STARD13: variants seen among roughly 807,000 people sequenced by gnomAD.
The protein encoded by STARD13 is stAR-related lipid transfer protein 13.
In STARD13, 62 loss-of-function variants were observed where a neutral mutation model predicts 106.4. That is an observed-to-expected ratio of 0.58 (90% confidence interval 0.48 to 0.72). The LOEUF (loss-of-function observed/expected upper bound fraction) is 0.72. STARD13 is among the 30% of genes least tolerant of loss of function. The pLI is 0.00. For synonymous variants in STARD13, 565 were observed against 553.0 expected (o/e 1.02, Z -0.31); for missense variants, 1,387 against 1,424.0 (o/e 0.97, Z 0.42).
the STARD13 span, among the ~76,000 whole-genome samples, chr13:33,499,573 C>CTTA: frequency 1.5e-5 from 1 of 67,806 alleles, no homozygotes; most frequent in Non-Finnish European, 3.1e-5. Flanking sequence ...TCTTCTTCTT[C>CTTA]TTCTTCTTCT....
the STARD13 span, among the ~76,000 whole-genome samples, chr13:33,440,312 T>C: frequency 2.0e-5 from 3 of 151,962 alleles, no homozygotes; most frequent in South Asian, 6.2e-4. Flanking sequence ...ATGTGTCTAT[T>C]TAGTAACTGA....
chr13:33,294,070 T>C (rs1303114488), intron 1 of STARD13, among the ~76,000 whole-genome samples: 1 of 152,184 alleles, frequency 6.6e-6, no homozygotes, highest in African/African-American at 2.4e-5. Context: ...AGGTCCCTTG[T>C]GAAAATTAGG....
chr13:33,241,236 T>A (rs1263834096), intron 1 of STARD13, among the ~76,000 whole-genome samples: 3 of 152,152 alleles, frequency 2.0e-5, no homozygotes, highest in Non-Finnish European at 4.4e-5. Context: ...AGAAAGTAGA[T>A]CTAAGTTAAT....
chr13:33,167,654 T>C (rs764663701), intron 1 of STARD13, 32 bp from the exon 2 acceptor site: 1 of 1,600,636 alleles, frequency 6.2e-7, no homozygotes, highest in South Asian at 1.1e-5. Flanking sequence ...AAATTGTGAG[T>C]CCCACAGCCG....
the STARD13 span, among the ~76,000 whole-genome samples, chr13:33,544,169 T>C: frequency 6.6e-5 from 10 of 152,232 alleles, no homozygotes; most frequent in Admixed American, 5.9e-4. Context: ...ATCATACTAA[T>C]TTTACCCTTT....
chr13:33,321,323 T>C (rs1207496029), intron 1 of STARD13, among the ~76,000 whole-genome samples: 2 of 152,076 alleles, frequency 1.3e-5, no homozygotes, highest in African/African-American at 4.8e-5. Flanking sequence ...CTGACCAACA[T>C]GGTGAAACCC....
chr13:33,169,716 A>G (rs980129411), intron 1 of STARD13, among the ~76,000 whole-genome samples: 1 of 152,218 alleles, frequency 6.6e-6, no homozygotes, highest in African/African-American at 2.4e-5. Context: ...ATGAAGAACA[A>G]ATGGGGAAGA....
chr13:33,358,079 C>G, the STARD13 span, among the ~76,000 whole-genome samples: 7 of 152,040 alleles, frequency 4.6e-5, no homozygotes, highest in South Asian at 2.1e-4. Flanking sequence ...TCGGAGCAGC[C>G]AGCCAGCCCT....
chr13:33,124,351 A>G (rs1876824971), intron 7 of STARD13, among the ~76,000 whole-genome samples: 2 of 152,214 alleles, frequency 1.3e-5, no homozygotes, highest in South Asian at 4.1e-4. Flanking sequence ...TCGATGTCCT[A>G]CGGATTCTCC....
the STARD13 span, among the ~76,000 whole-genome samples, chr13:33,539,069 T>C: frequency 6.6e-6 from 1 of 152,176 alleles, no homozygotes; most frequent in African/African-American, 2.4e-5. Context: ...GCGCCCGGCC[T>C]TGCATTTATT....
intron 1 of STARD13, among the ~76,000 whole-genome samples, chr13:33,191,610 A>G (rs1344272594): frequency 6.6e-6 from 1 of 152,206 alleles, no homozygotes; most frequent in Non-Finnish European, 1.5e-5. Context: ...CATTGTAGGA[A>G]AGTTAAGATT....
At chr13:33,345,122 C>T (rs905974136), downstream of STARD13, among the ~76,000 whole-genome samples, 1 of 152,184 alleles carries the variant, frequency 6.6e-6, no homozygotes, top group African/African-American at 2.4e-5. Context: ...GTAGGGTTTA[C>T]AACAGCATCT....
the STARD13 span, among the ~76,000 whole-genome samples, chr13:33,647,794 C>T: frequency 6.2e-3 from 941 of 152,216 alleles, 10 homozygotes; most frequent in African/African-American, 0.021. Flanking sequence ...CTGACACATG[C>T]GGAAAATAAG....
At chr13:33,318,039 T>C (rs769510163) in intron 1 of STARD13, among the ~76,000 whole-genome samples, 3 of 152,312 alleles carry the variant, frequency 2.0e-5, no homozygotes, top group Admixed American at 6.5e-5. Flanking sequence ...TTCAACCACA[T>C]TGGCATCAAT....
the STARD13 span, among the ~76,000 whole-genome samples, chr13:33,546,369 A>G: frequency 6.6e-6 from 1 of 152,210 alleles, no homozygotes; most frequent in South Asian, 2.1e-4. Flanking sequence ...GCTATAATCA[A>G]TAGACTTATT....
the STARD13 span, among the ~76,000 whole-genome samples, chr13:33,483,556 G>A: frequency 2.0e-5 from 3 of 152,160 alleles, no homozygotes; most frequent in African/African-American, 7.2e-5. Context: ...TCTAAGGAAA[G>A]CAACCCTCAG....
chr13:33,151,575 A>G (rs1881284345), intron 3 of STARD13, among the ~76,000 whole-genome samples: 1 of 152,176 alleles, frequency 6.6e-6, no homozygotes, highest in South Asian at 2.1e-4. Context: ...TTGAATTCCA[A>G]TGTGAGATTT....
the STARD13 span, among the ~76,000 whole-genome samples, chr13:33,439,428 C>T: frequency 2.1e-4 from 32 of 152,318 alleles, no homozygotes; most frequent in South Asian, 6.2e-3. Context: ...TTATGCAAAG[C>T]AACTTCTTTC....
At chr13:33,380,414 C>CAA in the STARD13 span, among the ~76,000 whole-genome samples, 2 of 84,598 alleles carry the variant, frequency 2.4e-5, no homozygotes, top group African/African-American at 8.9e-5. Flanking sequence ...GATTCTGTCT[C>CAA]AAAAAAAAAA....
Sources: gnomAD v4.1 joint callset for allele counts (sites outside exome capture counted in the v4.1 genomes callset) on GRCh38, gnomAD v4.1.1 for gene constraint, MANE v1.5 for transcripts, NCBI Gene and HGNC (gene_info 2026-07-23, HGNC 2026-07-21) for gene names.